The following UST variants were observed in gnomAD, a reference collection of about 807,000 sequenced individuals.
UST encodes chondroitin sulfate 2-O-sulfotransferase.
A neutral mutation model predicts 45.6 loss-of-function variants in UST; 21 were observed. The observed-to-expected ratio is 0.46, with a 90% CI of 0.33 to 0.66. The LOEUF is 0.66. Among genes scored for constraint, UST ranks in the 30% least tolerant of loss-of-function variants. UST has a pLI of 0.02. For missense variants in UST, 463 were observed against 512.4 expected (o/e 0.90, Z 0.93); for synonymous variants, 215 against 200.6 (o/e 1.07, Z -0.61).
At chr6:149,022,401 A>T (rs1449619146) in intron 7 of UST, among the ~76,000 whole-genome samples, 1 of 152,034 alleles carries the variant, frequency 6.6e-6, no homozygotes, top group Non-Finnish European at 1.5e-5. Flanking sequence ...GGAGTTCGAG[A>T]CCAGCCTGGC....
chr6:149,020,764 T>A (rs1010997285), intron 6 of UST, among the ~76,000 whole-genome samples: 5 of 152,142 alleles, frequency 3.3e-5, no homozygotes, highest in African/African-American at 1.2e-4. Context: ...GCTCTCTGAT[T>A]TTTACAAATT....
chr6:149,010,749 C>T (rs910785427), intron 5 of UST, among the ~76,000 whole-genome samples: 3 of 151,638 alleles, frequency 2.0e-5, no homozygotes, highest in Non-Finnish European at 2.9e-5. Context: ...AAAAATTAGC[C>T]GGGTGTGGTG....
intron 5 of UST, among the ~76,000 whole-genome samples, chr6:148,966,457 A>G (rs1780800090): frequency 6.6e-6 from 1 of 152,142 alleles, no homozygotes; most frequent in African/African-American, 2.4e-5. Flanking sequence ...TTCTGATTCA[A>G]TCCTCATGCT....
At chr6:148,839,516 C>A (rs1777851818) in intron 1 of UST, among the ~76,000 whole-genome samples, 1 of 152,158 alleles carries the variant, frequency 6.6e-6, no homozygotes, top group Non-Finnish European at 1.5e-5. Flanking sequence ...GTTGTAATTT[C>A]ATCTTTTGAC....
Position 149,073,954 on chromosome 6 carries a change from G to A in UST, c.1059G>A (p.Glu353=). The part of the protein sequence containing the change: ...YEYEFYHYVK[E]QFHLLKRKFG... ...ACGAGTTTTACCACTACGTCAAAGA[G>A]CAGTTCCACCTGCTGAAGCGCAAGT... Residue 353 remains glutamate, a synonymous_variant, in exon 8 of 8, where the codon GAG becomes GAA. Coordinates refer to ENST00000367463, the MANE Select transcript of UST (RefSeq NM_005715.3). 6.2e-7 allele frequency: 1 copy of A among 1,614,172 alleles called. No homozygotes were observed.
chr6:148,929,072 T>C (rs1038960651), intron 2 of UST, among the ~76,000 whole-genome samples: 3 of 152,238 alleles, frequency 2.0e-5, no homozygotes, highest in African/African-American at 7.2e-5. Context: ...TACTCCCTTT[T>C]CTGTAGATGA....
intron 7 of UST, among the ~76,000 whole-genome samples, chr6:149,067,880 T>C (rs1776765093): frequency 6.6e-6 from 1 of 152,184 alleles, no homozygotes; most frequent in Middle Eastern, 3.2e-3. Flanking sequence ...TGGGATAGAA[T>C]GTTTCCTACT....
intron 1 of UST, among the ~76,000 whole-genome samples, chr6:148,838,426 A>C (rs922427824): frequency 6.6e-6 from 1 of 152,224 alleles, no homozygotes; most frequent in Non-Finnish European, 1.5e-5. Flanking sequence ...GTATCCAAAC[A>C]GGTGTATTCC....
intron 5 of UST, among the ~76,000 whole-genome samples, chr6:148,979,316 T>C (rs2500520): frequency 0.37 from 56,267 of 152,082 alleles, 10,552 homozygotes; most frequent in East Asian, 0.48. Context: ...AGTTTTGCAA[T>C]ACAAAGGAAA....
intron 1 of UST, among the ~76,000 whole-genome samples, chr6:148,826,786 A>G (rs1777575619): frequency 6.6e-6 from 1 of 152,150 alleles, no homozygotes; most frequent in East Asian, 1.9e-4. Flanking sequence ...TTGCCTTTTC[A>G]GCTTCTAAAG....
At chr6:149,031,646 T>C (rs1776145265) in intron 7 of UST, among the ~76,000 whole-genome samples, 1 of 152,226 alleles carries the variant, frequency 6.6e-6, no homozygotes, top group South Asian at 2.1e-4. Context: ...TCACAGACAT[T>C]GATGTTCTAG....
intron 1 of UST, among the ~76,000 whole-genome samples, chr6:148,751,287 T>C (rs1400895323): frequency 6.6e-6 from 1 of 152,252 alleles, no homozygotes; most frequent in African/African-American, 2.4e-5. Context: ...AAAATGCATC[T>C]TGTTTGCTAC....
intron 1 of UST, among the ~76,000 whole-genome samples, chr6:148,798,556 G>A (rs145528574): frequency 1.0e-3 from 157 of 152,214 alleles, no homozygotes; most frequent in African/African-American, 3.7e-3. Context: ...AGCCTAGGAA[G>A]CGAGTGTAAG....
chr6:148,944,773 A>G (rs1780201315), intron 3 of UST, among the ~76,000 whole-genome samples: 1 of 152,244 alleles, frequency 6.6e-6, no homozygotes, highest in African/African-American at 2.4e-5. Context: ...CGCACAGCTC[A>G]TCATGCAAAC....
chr6:148,985,063 C>T (rs938716852), intron 5 of UST, among the ~76,000 whole-genome samples: 15 of 152,050 alleles, frequency 9.9e-5, no homozygotes, highest in Admixed American at 5.9e-4. Flanking sequence ...TAGGGAATAA[C>T]GGGACGGATG....
intron 2 of UST, among the ~76,000 whole-genome samples, chr6:148,907,917 T>C (rs1779396203): frequency 7.2e-6 from 1 of 138,646 alleles, no homozygotes; most frequent in Non-Finnish European, 1.5e-5. Context: ...TTTTTTTTTT[T>C]TTTTTTTTTT....
chr6:148,906,099 C>T (rs1779353328), intron 2 of UST, among the ~76,000 whole-genome samples: 2 of 151,988 alleles, frequency 1.3e-5, no homozygotes, highest in Non-Finnish European at 2.9e-5. Flanking sequence ...AAGCCCCATC[C>T]AGCATGATTC....
chr6:148,958,148 G>A (rs776060357), intron 4 of UST, among the ~76,000 whole-genome samples: 3 of 152,200 alleles, frequency 2.0e-5, no homozygotes, highest in East Asian at 3.9e-4. Flanking sequence ...ATGCGATCCC[G>A]TGAGCACTTG....
intron 5 of UST, among the ~76,000 whole-genome samples, chr6:148,980,762 A>G (rs1237893294): frequency 2.0e-5 from 3 of 151,966 alleles, no homozygotes; most frequent in Non-Finnish European, 2.9e-5. Flanking sequence ...TCTGTTGCCT[A>G]GGTTGGAGTG....
Sources: allele counts gnomAD v4.1 joint callset (sites outside exome capture counted in the v4.1 genomes callset), GRCh38; gene constraint gnomAD v4.1.1; transcripts MANE v1.5; gene names NCBI Gene and HGNC (gene_info 2026-07-23, HGNC 2026-07-21).